The following KCNT1 variants were observed in gnomAD, a reference collection of about 807,000 sequenced individuals.
The protein encoded by KCNT1 is potassium sodium-activated channel subfamily T member 1.
In KCNT1, 78 loss-of-function variants were observed where a neutral mutation model predicts 147.8. That is an observed-to-expected ratio of 0.53 (90% CI 0.44 to 0.64). KCNT1 has a LOEUF of 0.64. KCNT1 is among the 30% of genes least tolerant of loss of function. The probability of loss-of-function intolerance (pLI) is 0.00; values close to 1 mark genes in which losing one functional copy is unlikely to be tolerated. For missense variants in KCNT1, 1,419 were observed against 1,750.3 expected, an observed-to-expected ratio of 0.81 and a Z score of 3.38; for synonymous variants, 867 against 748.8, an observed-to-expected ratio of 1.16 and a Z score of -2.58.
In KCNT1 at chr9:135,765,331, C is replaced by T; in HGVS notation, c.1200+136C>T. ...CCCCTTCAGTGAGGGCAGATGCCTC[C>T]CTCCCGGCGCCCAGAGACGCCATCC... On this transcript the variant is annotated intron_variant, in intron 12 of 30. Coordinates refer to ENST00000371757, the MANE Select transcript of KCNT1 (RefSeq NM_020822.3). 2 of 798,698 alleles carry T rather than the reference C, an allele frequency of 2.5e-6. 1 individual carries two copies. The highest frequency in any genetic ancestry group is 4.0e-6 in the Non-Finnish European group (2 of 500,184). The allele number at this position is 798,698 out of a possible 1,614,324, so 49.5% of individuals were successfully genotyped here. A position where few individuals can be genotyped will look rare whatever the true frequency, so the allele number is the denominator to read the frequency against.
intron 11 of KCNT1, among the ~76,000 whole-genome samples, chr9:135,760,282 G>A (rs1831830257): frequency 6.6e-6 from 1 of 152,224 alleles, no homozygotes; most frequent in African/African-American, 2.4e-5. Flanking sequence ...CACCACTGCT[G>A]TGGCCCACTG....
At chr9:135,713,293 T>A (rs1244242753) in intron 1 of KCNT1, among the ~76,000 whole-genome samples, 1 of 152,284 alleles carries the variant, frequency 6.6e-6, no homozygotes, top group Non-Finnish European at 1.5e-5. Flanking sequence ...GCTACGCTGA[T>A]GCAGTTAGGA....
intron 5 of KCNT1, among the ~76,000 whole-genome samples, chr9:135,754,483 T>A (rs1225352481): frequency 6.6e-6 from 1 of 152,156 alleles, no homozygotes; most frequent in East Asian, 1.9e-4. Context: ...GGGCAGGCAG[T>A]GGGAGGTGAC....
intron 2 of KCNT1, among the ~76,000 whole-genome samples, chr9:135,743,108 T>A (rs1830647577): frequency 6.6e-6 from 1 of 152,068 alleles, no homozygotes. Flanking sequence ...CTTGTCATGG[T>A]GCCTCCCAGG....
At chr9:135,768,350 G>GC in intron 13 of KCNT1, 1 of 214,898 alleles carries the variant, frequency 4.7e-6, no homozygotes, top group Admixed American at 6.6e-5. Context: ...GGGTTGGGGG[G>GC]GGGGGGGGCA....
intron 2 of KCNT1, among the ~76,000 whole-genome samples, chr9:135,746,657 A>G (rs1830848767): frequency 6.6e-6 from 1 of 151,884 alleles, no homozygotes; most frequent in Admixed American, 6.6e-5. Context: ...GTCCACGGGG[A>G]GGTAAAGGGA....
At chr9:135,724,334 C>T (rs1202420717) in intron 2 of KCNT1, among the ~76,000 whole-genome samples, 1 of 152,234 alleles carries the variant, frequency 6.6e-6, no homozygotes, top group East Asian at 1.9e-4. Context: ...CGCGTGCACT[C>T]CCATCCTGAG....
intron 2 of KCNT1, among the ~76,000 whole-genome samples, chr9:135,726,946 TCTTTCCCA>T: frequency 9.6e-5 from 1 of 10,414 alleles, no homozygotes; most frequent in East Asian, 3.0e-3. Context: ...CCTCTCCCTC[TCTTTCCCA>T]TTCTCCCTCT....
In KCNT1 at chr9:135,714,299, G is replaced by A. The variant is rs1469342619; in HGVS notation, c.111-278G>A. Among the ~76,000 whole-genome samples the A allele has an allele frequency of 1.3e-5, 2 of 151,682 alleles. No individual in the cohort carries two copies. Among genetic ancestry groups the A allele is most frequent in the Non-Finnish European group, 3.0e-5 (2 of 67,766 alleles). ...CCCTGAGCTGGCCATGACAGCTCCC[G>A]TCCCCCTTACCTCCTGCCAGGCCCC... On this transcript the variant is annotated intron_variant, in intron 1 of 30. Transcript: ENST00000371757. The surrounding 1 kb of genome is among the most constrained non-coding windows in gnomAD (Gnocchi z 6.2).
intron 29 of KCNT1, among the ~76,000 whole-genome samples, chr9:135,787,217 G>A (rs1011477253): frequency 6.6e-6 from 1 of 152,230 alleles, no homozygotes; most frequent in African/African-American, 2.4e-5. Context: ...TCCGTCTTCA[G>A]CAACAGATCC....
chr9:135,764,966 T>G, intron 11 of KCNT1, 65 bp from the exon 12 acceptor site: 1 of 1,528,740 alleles, frequency 6.5e-7, no homozygotes, highest in Non-Finnish European at 8.9e-7. Context: ...AGGGCCCAGG[T>G]TCTTCACCGG....
intron 2 of KCNT1, among the ~76,000 whole-genome samples, chr9:135,723,535 T>C (rs566634760): frequency 6.6e-6 from 1 of 152,258 alleles, no homozygotes; most frequent in Admixed American, 6.5e-5. Context: ...GAAGGGGCAT[T>C]TTGTGCCTGT....
In KCNT1 at chr9:135,784,461, G is replaced by A. The variant is rs563138911; in HGVS notation, c.2944-74G>A. On this transcript the variant is annotated intron_variant, in intron 25 of 30. Coordinates refer to ENST00000371757, the MANE Select transcript of KCNT1 (RefSeq NM_020822.3). ...GGGTATGGACCTGTGTCCCACGCCC[G>A]TGCCCGCGTGCCTCACTGTGGCTCC... is the stretch of plus-strand genomic sequence containing the variant. 1.1e-4 allele frequency: 119 copies of A among 1,100,568 alleles called. No homozygotes were observed. The African/African-American group carries it at 1.5e-3, about 14-fold the overall frequency. 68.2% of individuals were successfully genotyped at this position (1,100,568 alleles called of 1,614,324 possible). A position where few individuals can be genotyped will look rare whatever the true frequency, so the allele number is the denominator to read the frequency against.
intron 2 of KCNT1, among the ~76,000 whole-genome samples, chr9:135,747,328 G>T (rs972967991): frequency 6.6e-6 from 1 of 151,930 alleles, no homozygotes; most frequent in Non-Finnish European, 1.5e-5. Context: ...GCCATGGAGG[G>T]CGGGACAGTG....
chr9:135,759,766 C>A lies in KCNT1; in HGVS notation c.942C>A (p.Thr314=). Residue 314 remains threonine, a synonymous_variant, in exon 11 of 31, where the codon ACC becomes ACA. Coordinates refer to ENST00000371757, the MANE Select transcript of KCNT1 (RefSeq NM_020822.3). ...ACTTCTGCATCGTCACCTTCTCCAC[C>A]GTGGGCTACGGTGACGTCACGCCCA... The part of the protein sequence containing the change: ...SFYFCIVTFS[T]VGYGDVTPKI... 6.2e-7 allele frequency: 1 copy of A among 1,613,630 alleles called. No individual in the cohort carries two copies.
At chr9:135,750,853 C>G in intron 3 of KCNT1, 89 bp from the exon 4 acceptor site, 12 of 1,212,934 alleles carry the variant, frequency 9.9e-6, no homozygotes, top group Non-Finnish European at 1.3e-5. Context: ...CTGGGGCCAT[C>G]CAGAGAGCCC....
At chr9:135,748,953 G>A (rs1008176467) in intron 2 of KCNT1, among the ~76,000 whole-genome samples, 7 of 152,188 alleles carry the variant, frequency 4.6e-5, no homozygotes, top group Non-Finnish European at 7.3e-5. Flanking sequence ...GGCCATGGCT[G>A]GGAGCAGCCG....
In KCNT1 at chr9:135,795,272, T is replaced by TATC. The variant is rs1352521426; in HGVS notation, c.*3113_*3115dup. ...TGGGCAACATGATGAACCCTGACTG[T>TATC]ATCAAAAAGTACAAAAAAAAAAATA... On this transcript the variant is annotated 3_prime_UTR_variant, in exon 31 of 31. Transcript: ENST00000371757. The TATC allele has an allele frequency of 2.9e-5, 4 of 138,478 alleles. No homozygotes were observed. The East Asian group carries it at 8.1e-4, about 28-fold the overall frequency. The allele number at this position is 138,478 out of a possible 1,614,324, so 8.6% of individuals were successfully genotyped here. A position where few individuals can be genotyped will look rare whatever the true frequency, so the allele number is the denominator to read the frequency against.
At chr9:135,706,964 T>C (rs1174774321) in intron 1 of KCNT1, among the ~76,000 whole-genome samples, 1 of 151,288 alleles carries the variant, frequency 6.6e-6, no homozygotes, top group East Asian at 2.0e-4. Context: ...GCTGAGGAAA[T>C]GAAGCCTCAC....
Sources: gnomAD v4.1 joint callset for allele counts (sites outside exome capture counted in the v4.1 genomes callset) on GRCh38, gnomAD v4.1.1 for gene constraint, Gnocchi (gnomAD v3.1) non-coding constraint, MANE v1.5 for transcripts, NCBI Gene and HGNC (gene_info 2026-07-23, HGNC 2026-07-21) for gene names.